Variants in CHSY1 observed in about 807,000 individuals in gnomAD.
The protein encoded by CHSY1 is N-acetylgalactosaminyl-proteoglycan 3-beta-glucuronosyltransferase 1.
Under a neutral mutation model 59.8 loss-of-function variants are expected in CHSY1, and 13 were observed. The observed-to-expected ratio is 0.22, with a 90% CI of 0.14 to 0.35. CHSY1 has a LOEUF of 0.35. Ranked by LOEUF, CHSY1 falls within the 10% of genes least tolerant of loss-of-function variation. CHSY1 has a pLI of 1.00. For missense variants in CHSY1, 947 were observed against 1,030.6 expected (o/e 0.92, Z 1.11); for synonymous variants, 459 against 401.2 (o/e 1.14, Z -1.72).
At chr15:101,249,010 A>G (rs1021130123) in intron 1 of CHSY1, among the ~76,000 whole-genome samples, 7 of 122,576 alleles carry the variant, frequency 5.7e-5, no homozygotes, top group African/African-American at 1.6e-4. Context: ...TCACCGTGTT[A>G]GCCAGGATGG....
At chr15:101,187,575 T>G (rs1384431873) in intron 2 of CHSY1, 1 of 152,190 alleles carries the variant, frequency 6.6e-6, no homozygotes, top group Non-Finnish European at 1.5e-5. Flanking sequence ...ATAAGGTATT[T>G]CAATAATCTA....
intron 1 of CHSY1, among the ~76,000 whole-genome samples, chr15:101,245,220 C>T (rs2039038765): frequency 6.6e-6 from 1 of 152,224 alleles, no homozygotes; most frequent in Non-Finnish European, 1.5e-5. Context: ...CTGCCCACCA[C>T]TCTACCACCC....
intron 2 of CHSY1, 140 bp downstream of exon 2, chr15:101,234,942 A>T (rs1001221281): frequency 2.8e-4 from 318 of 1,117,446 alleles, no homozygotes; most frequent in South Asian, 3.7e-4. Context: ...TTTTTTTTTA[A>T]TCTAAGGCTA....
At chr15:101,188,862 C>T (rs951808745) in intron 2 of CHSY1, among the ~76,000 whole-genome samples, 3 of 152,192 alleles carry the variant, frequency 2.0e-5, no homozygotes, top group South Asian at 2.1e-4. Context: ...ATCTGCAGTC[C>T]GAAAACTATC....
intron 2 of CHSY1, among the ~76,000 whole-genome samples, chr15:101,231,456 G>A (rs1443660025): frequency 3.3e-5 from 5 of 152,190 alleles, no homozygotes; most frequent in East Asian, 1.9e-4. Context: ...GAAGGAAGAC[G>A]TATTCCTATA....
At chr15:101,185,699 CTTTTTT>C (rs10556870) in intron 2 of CHSY1, among the ~76,000 whole-genome samples, 2 of 121,360 alleles carry the variant, frequency 1.6e-5, no homozygotes, top group African/African-American at 3.2e-5. Flanking sequence ...CTCGAAATAT[CTTTTTT>C]TTTTTTTTTT....
intron 2 of CHSY1, among the ~76,000 whole-genome samples, chr15:101,179,675 G>A (rs1226452458): frequency 1.3e-5 from 2 of 152,232 alleles, no homozygotes; most frequent in Non-Finnish European, 2.9e-5. Flanking sequence ...TGCTTGCTCA[G>A]CACGGGGTCT....
chr15:101,179,247 A>C (rs1206349140), intron 2 of CHSY1, among the ~76,000 whole-genome samples: 4 of 152,202 alleles, frequency 2.6e-5, no homozygotes, highest in African/African-American at 9.7e-5. Context: ...CCATAATGAA[A>C]ACATATAAAA....
At chr15:101,225,516 G>T (rs2038832789) in intron 2 of CHSY1, among the ~76,000 whole-genome samples, 1 of 152,140 alleles carries the variant, frequency 6.6e-6, no homozygotes, top group African/African-American at 2.4e-5. Flanking sequence ...TGGATCATGG[G>T]GGTGGATCCC....
In CHSY1 at chr15:101,235,200, C is replaced by T. The variant is rs146924321; in HGVS notation, c.698G>A (p.Arg233Gln). The T allele has an allele frequency of 1.3e-4, 205 of 1,613,762 alleles. No individual in the cohort carries two copies. In the African/African-American group the frequency reaches 1.4e-3, roughly 11 times the overall value. The change falls in exon 2 of 3, where the codon CGG becomes CAG. Residue 233 changes from arginine to glutamine, a missense_variant. By Grantham distance (43) the Arg-to-Gln change is conservative. Around this residue, in one of 4 missense-constraint regions of CHSY1, gnomAD observed 108 missense variants for 144.4 expected, o/e 0.75. Coordinates refer to ENST00000254190, the MANE Select transcript of CHSY1 (RefSeq NM_014918.5). ...CTTGCCAATGTGCGGCACCATTCTC[C>T]GAAGCACCTCCCGGCTCATGATCAC... Reference protein sequence around the residue: ...PGVIMSREVLRRMVPHIGKCL... With the variant: ...PGVIMSREVLQRMVPHIGKCL...
intron 2 of CHSY1, among the ~76,000 whole-genome samples, chr15:101,196,627 C>G (rs1003168988): frequency 3.9e-5 from 6 of 152,164 alleles, no homozygotes; most frequent in Non-Finnish European, 8.8e-5. Context: ...ACTATATACA[C>G]TAGGAACCAT....
At chr15:101,207,782 A>T (rs962159540) in intron 2 of CHSY1, among the ~76,000 whole-genome samples, 1 of 152,240 alleles carries the variant, frequency 6.6e-6, no homozygotes, top group Non-Finnish European at 1.5e-5. Context: ...GAATCTAGTA[A>T]CTAAAATTGA....
chr15:101,184,153 C>G (rs2038320873), intron 2 of CHSY1, among the ~76,000 whole-genome samples: 1 of 152,194 alleles, frequency 6.6e-6, no homozygotes, highest in African/African-American at 2.4e-5. Flanking sequence ...ACAACACATC[C>G]CCACACATTT....
chr15:101,179,991 T>C (rs1289127799), intron 2 of CHSY1, among the ~76,000 whole-genome samples: 3 of 152,180 alleles, frequency 2.0e-5, no homozygotes, highest in African/African-American at 7.2e-5. Context: ...TCTGGTAAAT[T>C]AGTCCTGTTT....
intron 2 of CHSY1, among the ~76,000 whole-genome samples, chr15:101,231,651 C>CG (rs1224254682): frequency 1.3e-5 from 2 of 152,202 alleles, no homozygotes; most frequent in African/African-American, 4.8e-5. Flanking sequence ...TGGTTGCCTG[C>CG]GTGCAGTCTG....
rs1449902361 is a variant in CHSY1, at chr15:101,238,406, G to A, written c.321-2829C>T. Among the ~76,000 whole-genome samples, 2 of 152,154 alleles carry A rather than the reference G, an allele frequency of 1.3e-5. 1 individual carries two copies. Among genetic ancestry groups the A allele is most frequent in the Middle Eastern group, 6.3e-3 (2 of 316 alleles). On this transcript the variant is annotated intron_variant, in intron 1 of 2. Transcript: ENST00000254190. Reference sequence around the variant, plus strand: ...TGAGGAATACAAAACAACTTCGAATGTATCTCTTTCAAGTAGAGGCAAAAT... The same window carrying A: ...TGAGGAATACAAAACAACTTCGAATATATCTCTTTCAAGTAGAGGCAAAAT...
At chr15:101,226,367 T>C (rs959812916) in intron 2 of CHSY1, among the ~76,000 whole-genome samples, 1 of 152,184 alleles carries the variant, frequency 6.6e-6, no homozygotes, top group African/African-American at 2.4e-5. Context: ...AACCACCCTA[T>C]AACGTAGACA....
At chr15:101,184,236 G>A (rs998803700) in intron 2 of CHSY1, among the ~76,000 whole-genome samples, 1 of 152,176 alleles carries the variant, frequency 6.6e-6, no homozygotes, top group African/African-American at 2.4e-5. Flanking sequence ...GTGTGCTAAG[G>A]GGGTGAACAT....
intron 2 of CHSY1, among the ~76,000 whole-genome samples, chr15:101,180,588 C>A (rs2038263904): frequency 1.3e-5 from 2 of 152,328 alleles, no homozygotes; most frequent in South Asian, 4.1e-4. Flanking sequence ...GCCCCTTCTG[C>A]TACCTACTAT....
Sources: allele counts gnomAD v4.1 joint callset (sites outside exome capture counted in the v4.1 genomes callset), GRCh38; gene constraint gnomAD v4.1.1; regional missense constraint gnomAD v4.1.1; transcripts MANE v1.5; gene names NCBI Gene and HGNC (gene_info 2026-07-23, HGNC 2026-07-21).